The following INCA1 variants were observed in gnomAD, a reference collection of about 807,000 sequenced individuals.
INCA1 encodes protein INCA1.
INCA1 carries 28 observed loss-of-function variants against 25.7 expected under a neutral mutation model. The observed-to-expected ratio is 1.09, with a 90% CI of 0.81 to 1.49. INCA1 has a LOEUF of 1.49. Ranked by LOEUF, INCA1 falls within the 40% of genes most tolerant of loss-of-function variation. INCA1 has a pLI of 0.00. For synonymous variants in INCA1, 111 were observed against 103.6 expected (o/e 1.07, Z -0.43); for missense variants, 309 against 290.9 (o/e 1.06, Z -0.45).
chr17:4,993,222 C>T (rs1597815588), intron 2 of INCA1, among the ~76,000 whole-genome samples: 2 of 152,058 alleles, frequency 1.3e-5, no homozygotes, highest in East Asian at 1.9e-4. Flanking sequence ...TCTTGTTGCC[C>T]GGGCTGGAGT....
chr17:4,993,747 T>C (rs146388242), intron 2 of INCA1, among the ~76,000 whole-genome samples: 21,546 of 140,876 alleles, frequency 0.15, 1,720 homozygotes, highest in East Asian at 0.26. Flanking sequence ...GGATTACAGG[T>C]GTGAGCCACC....
In INCA1 at chr17:4,988,981, A is replaced by C. The variant is rs554922000; in HGVS notation, c.396-37T>G. 24 of 1,582,226 alleles carry C rather than the reference A, an allele frequency of 1.5e-5. No individual in the cohort carries two copies. The African/African-American group carries it at 2.3e-4, about 15-fold the overall frequency. On this transcript the variant is annotated intron_variant, in intron 5 of 6. Transcript: ENST00000576820. The stretch of plus-strand genomic sequence containing the variant: ...TTAGGCTGAGGAGAGAAGTGCCTGG[A>C]GGCCAGGCTTCCTGTCTCTCCATTC...
intron 2 of INCA1, 126 bp from the exon 3 acceptor site, chr17:4,990,391 T>C (rs1046592077): frequency 3.9e-6 from 4 of 1,028,706 alleles, no homozygotes; most frequent in Non-Finnish European, 5.5e-6. Context: ...GGCCATGTCC[T>C]CTCTTAACCA....
At chr17:4,989,306 CAACCTCCCCTCAAAGCTCCCCTCA>C (rs1319634463) in intron 5 of INCA1, 98 bp downstream of exon 5, 40 of 907,842 alleles carry the variant, frequency 4.4e-5, no homozygotes, top group Admixed American at 3.7e-4. Flanking sequence ...TCCTTCCAAG[CAACCTCCCCTCAAAGCTCCCCTCA>C]AACCTCCCCT....
chr17:4,992,931 G>T (rs1378811154), intron 2 of INCA1, among the ~76,000 whole-genome samples: 1 of 152,162 alleles, frequency 6.6e-6, no homozygotes, highest in Non-Finnish European at 1.5e-5. Context: ...CCAGGCTGGA[G>T]TGCAATGGCA....
At chr17:4,996,129 A>C (rs1974235205) in intron 1 of INCA1, among the ~76,000 whole-genome samples, 1 of 152,116 alleles carries the variant, frequency 6.6e-6, no homozygotes, top group African/African-American at 2.4e-5. Flanking sequence ...TCACGCCTGT[A>C]ATCCCAGCAA....
chr17:4,995,869 T>C (rs949967953), intron 1 of INCA1: 1 of 152,198 alleles, frequency 6.6e-6, no homozygotes, highest in South Asian at 2.1e-4. Context: ...AGGCAGAGGT[T>C]GCGGTGAGTT....
At chr17:4,996,913 C>T (rs1281207059) in intron 1 of INCA1, 1 of 152,952 alleles carries the variant, frequency 6.5e-6, no homozygotes, top group African/African-American at 2.4e-5. Context: ...AAGGGGATGT[C>T]CTGACTCGGA....
chr17:4,993,610 AGGCGCCC>A (rs1387030143), intron 2 of INCA1, among the ~76,000 whole-genome samples: 6 of 151,794 alleles, frequency 4.0e-5, no homozygotes, highest in Non-Finnish European at 8.8e-5. Context: ...CTGGGACTAC[AGGCGCCC>A]GCCACCACAC....
intron 2 of INCA1, among the ~76,000 whole-genome samples, chr17:4,990,752 G>A (rs1042399982): frequency 3.3e-5 from 5 of 151,050 alleles, no homozygotes; most frequent in Admixed American, 2.6e-4. Flanking sequence ...GCGTGGTGGC[G>A]GGCACCTGTA....
At chr17:4,993,912 C>G (rs1057124053) in intron 2 of INCA1, among the ~76,000 whole-genome samples, 1 of 151,618 alleles carries the variant, frequency 6.6e-6, no homozygotes, top group Non-Finnish European at 1.5e-5. Context: ...GCTGGGATTA[C>G]AGGCGAGCAC....
At chr17:4,990,637 T>C (rs1328445893) in intron 2 of INCA1, among the ~76,000 whole-genome samples, 1 of 151,536 alleles carries the variant, frequency 6.6e-6, no homozygotes, top group Admixed American at 6.6e-5. Context: ...ATCCCAGCAC[T>C]TTGGGAGGCT....
At chr17:4,989,238 TTCCC>T (rs1255651777) in intron 5 of INCA1, among the ~76,000 whole-genome samples, 186 bp downstream of exon 5, 1 of 151,324 alleles carries the variant, frequency 6.6e-6, no homozygotes, top group African/African-American at 2.4e-5. Context: ...CTTACTGCAG[TTCCC>T]TCCTTCTTTC....
intron 6 of INCA1, 67 bp from the exon 7 acceptor site, chr17:4,988,621 C>T: frequency 6.3e-7 from 1 of 1,591,260 alleles, no homozygotes; most frequent in Middle Eastern, 1.7e-4. Flanking sequence ...TTTCCTAGTA[C>T]CCAAGCTTAG....
In INCA1 at chr17:4,994,379, A is replaced by C; in HGVS notation, c.44+15T>G. ...CATCCCATCCCCATGCTCCCCACCC[A>C]GTGGGAGGACTCACTTGGCAAAGGG... is the stretch of plus-strand genomic sequence containing the variant. On this transcript the variant is annotated intron_variant, in intron 2 of 6. Transcript: ENST00000576820. 6.2e-7 allele frequency: 1 copy of C among 1,612,928 alleles called. No individual in the cohort carries two copies. The highest frequency in any genetic ancestry group is 8.5e-7 in the Non-Finnish European group (1 of 1,179,152).
At chr17:4,996,628 G>A (rs1343623187) in intron 1 of INCA1, among the ~76,000 whole-genome samples, 1 of 138,042 alleles carries the variant, frequency 7.2e-6, no homozygotes, top group Non-Finnish European at 1.5e-5. Context: ...GTTGCCGTGA[G>A]CCGAGGTCAG....
intron 1 of INCA1, among the ~76,000 whole-genome samples, chr17:4,994,807 A>C (rs1042685734): frequency 7.9e-5 from 12 of 151,630 alleles, no homozygotes; most frequent in Non-Finnish European, 1.8e-4. Context: ...AAAAAAAAAA[A>C]AAAAAAGGCA....
At chr17:4,990,034 A>G (rs1431234013) in intron 3 of INCA1, 105 bp from the exon 4 acceptor site, 8 of 1,612,140 alleles carry the variant, frequency 5.0e-6, no homozygotes, top group South Asian at 1.1e-5. Context: ...AGGAGCTACA[A>G]TGTCCACCAG....
exon 7 of INCA1, chr17:4,988,240 G>C (rs1246431943): frequency 1.5e-5 from 10 of 675,408 alleles, no homozygotes; most frequent in African/African-American, 5.6e-5. Context: ...GTTGAGATGG[G>C]AGCCCACGGG....
Sources: gnomAD v4.1 joint callset for allele counts (sites outside exome capture counted in the v4.1 genomes callset) on GRCh38, gnomAD v4.1.1 for gene constraint, MANE v1.5 for transcripts, NCBI Gene and HGNC (gene_info 2026-07-23, HGNC 2026-07-21) for gene names.